Variants in MACF1 observed in about 807,000 individuals in gnomAD.
MACF1 encodes the protein microtubule actin crosslinking factor 1, also known as microtubule-actin cross-linking factor 1.
Under a neutral mutation model 854.8 loss-of-function variants are expected in MACF1, and 193 were observed. That is an observed-to-expected ratio of 0.23 (90% CI 0.20 to 0.25). The LOEUF is 0.25. MACF1 is among the 10% of genes least tolerant of loss of function. MACF1 has a pLI of 1.00. For missense variants in MACF1, 7,722 were observed against 8,929.1 expected (o/e 0.86, Z 5.45); for synonymous variants, 3,185 against 3,226.7 (o/e 0.99, Z 0.44).
chr1:39,405,016 AT>A, intron 58 of MACF1, among the ~76,000 whole-genome samples: 1 of 152,124 alleles, frequency 6.6e-6, no homozygotes, highest in East Asian at 1.9e-4. Flanking sequence ...AAAAAGAGGG[AT>A]TAATACACTG....
intron 6 of MACF1, among the ~76,000 whole-genome samples, chr1:39,271,662 G>A (rs1645324959): frequency 6.7e-6 from 1 of 150,366 alleles, no homozygotes; most frequent in South Asian, 2.1e-4. Context: ...GGAACTGATT[G>A]TTGTACAACT....
At position 39,362,475 on chromosome 1, in the gene MACF1, T is replaced by A. The variant is rs375969717; in HGVS notation, c.12771+798T>A. ...ACCTAGATTCACCAGTTGCTAATTGTTTTCCCTCTCTTATAAAAATATAAA... is the reference window on the plus strand; with the variant it reads ...ACCTAGATTCACCAGTTGCTAATTGATTTCCCTCTCTTATAAAAATATAAA... On this transcript the variant is annotated intron_variant, in intron 49 of 100. Transcript: ENST00000564288. Among the ~76,000 whole-genome samples, 4 of 152,200 alleles carry A rather than the reference T, an allele frequency of 2.6e-5. No individual in the cohort carries two copies. In the East Asian group the frequency reaches 7.7e-4, roughly 29 times the overall value.
Position 39,437,989 on chromosome 1 carries a change from C to T in MACF1, c.18201C>T (p.Asp6067=). 1 of 1,614,014 alleles carries T rather than the reference C, an allele frequency of 6.2e-7. No individual in the cohort carries two copies. The highest frequency in any genetic ancestry group is 8.5e-7 in the Non-Finnish European group (1 of 1,179,992). ...EELIGRSQGA[D]KDLAAKEIQD... ...TTATTGGACGATCTCAGGGAGCAGA[C>T]AAGGATCTGGCTGCAAAAGGTGCTT... is the stretch of plus-strand genomic sequence containing the variant. Residue 6067 remains aspartate, a synonymous_variant, in exon 71 of 101, where the codon GAC becomes GAT. Coordinates refer to ENST00000564288, the MANE Select transcript of MACF1 (RefSeq NM_001394062.1).
At position 39,285,607 on chromosome 1, in the gene MACF1, G is replaced by C; in HGVS notation, c.1357G>C (p.Ala453Pro). Residue 453 changes from alanine (A) to proline (P), a missense_variant, in exon 14 of 101, where the codon GCT becomes CCT. Around this residue, in one of 15 missense-constraint regions of MACF1, gnomAD observed 1,137 missense variants for 1,263.0 expected, o/e 0.90. Coordinates refer to ENST00000564288, the MANE Select transcript of MACF1 (RefSeq NM_001394062.1). ...TTATTCTCTCTTCCTGTCTCAGGAT[G>C]CTGCTCACCTGGAATCAGGACAACC... ...TLAKNTLQADAAHLESGQPVQ... is the reference protein window; with the variant it reads ...TLAKNTLQADPAHLESGQPVQ... 1 of 1,612,998 alleles carries C rather than the reference G, an allele frequency of 6.2e-7. No individual in the cohort carries two copies. Among genetic ancestry groups the C allele is most frequent in the Non-Finnish European group, 8.5e-7 (1 of 1,179,366 alleles).
At chr1:39,328,719 C>T (rs1646663115) in intron 36 of MACF1, 1 of 152,184 alleles carries the variant, frequency 6.6e-6, no homozygotes, top group South Asian at 2.1e-4. Flanking sequence ...AAGTAGAAGC[C>T]TTTTATGTTT....
upstream of MACF1, among the ~76,000 whole-genome samples, chr1:39,203,183 A>G (rs1043769761): frequency 6.6e-6 from 1 of 152,304 alleles, no homozygotes; most frequent in African/African-American, 2.4e-5. Context: ...ATCTTCATCT[A>G]TATCATAGTG....
At position 39,485,707 on chromosome 1, in the gene MACF1, G is replaced by A; in HGVS notation, c.22581G>A (p.Arg7527=). The change falls in exon 101 of 101, where the codon AGG becomes AGA. Residue 7527 remains arginine, a synonymous_variant. Coordinates refer to ENST00000564288, the MANE Select transcript of MACF1 (RefSeq NM_001394062.1). ...CTGCAGGGGGCCAAGGCAACTCCAG[G>A]AGAGGGCTAAACAAACCTTCCAAAA... ...SSAAGGQGNS[R]RGLNKPSKIP... is the part of the protein sequence containing the mutation. 6.2e-7 allele frequency: 1 copy of A among 1,614,048 alleles called. No individual in the cohort carries two copies. The highest frequency in any genetic ancestry group is 8.5e-7 in the Non-Finnish European group (1 of 1,179,978).
chr1:39,174,048 A>AC (rs1023100890), intron 2 of MACF1, among the ~76,000 whole-genome samples: 38 of 152,258 alleles, frequency 2.5e-4, no homozygotes, highest in African/African-American at 9.1e-4. Flanking sequence ...ATCGTGCTTT[A>AC]CCGCACATTT....
Position 39,101,959 on chromosome 1 carries a change from G to C in MACF1, c.220+17521G>C, listed in dbSNP as rs1033155105. ...TGGAAGGCCGATGCGGGCGGATCAC[G>C]AGGTCAGGAGATCGAGACCATCCTG... On this transcript the variant is annotated intron_variant, in intron 2 of 93. Coordinates refer to the MACF1 transcript ENST00000361689. Among the ~76,000 whole-genome samples the C allele has an allele frequency of 2.0e-5, 3 of 151,740 alleles. No homozygotes were observed. The South Asian group carries it at 6.2e-4, about 32-fold the overall frequency.
intron 2 of MACF1, among the ~76,000 whole-genome samples, chr1:39,144,574 C>T (rs1188689597): frequency 6.6e-6 from 1 of 152,028 alleles, no homozygotes; most frequent in East Asian, 1.9e-4. Flanking sequence ...CTTCTAACAA[C>T]GTGTGAGGTG....
chr1:39,384,713 A>C (rs1250568471), intron 56 of MACF1, among the ~76,000 whole-genome samples: 1 of 152,228 alleles, frequency 6.6e-6, no homozygotes, highest in African/African-American at 2.4e-5. Flanking sequence ...AACTAAGAAA[A>C]ACAGACACTG....
Position 39,448,076 on chromosome 1 carries a change from C to T in MACF1, c.20012C>T (p.Ala6671Val). ...WKKLIDWLED[A>V]ESHLDSELEI... ...AAACTGATTGACTGGCTAGAAGATG[C>T]AGAGAGTCACCTGGACTCAGAACTA... The change falls in exon 83 of 101, where the codon GCA becomes GTA. Residue 6671 changes from alanine (A) to valine (V), a missense_variant. Ala to Val is a moderately conservative substitution (Grantham distance 64). Coordinates refer to ENST00000564288, the MANE Select transcript of MACF1 (RefSeq NM_001394062.1). The T allele has an allele frequency of 1.9e-6, 3 of 1,613,930 alleles. No homozygotes were observed. Among genetic ancestry groups the T allele is most frequent in the Non-Finnish European group, 2.5e-6 (3 of 1,179,848 alleles).
At chr1:39,085,669 C>T (rs933603447) in intron 2 of MACF1, among the ~76,000 whole-genome samples, 2 of 152,066 alleles carry the variant, frequency 1.3e-5, no homozygotes, top group Admixed American at 6.6e-5. Context: ...ATTAAAAATA[C>T]AATAAAAAAT....
chr1:39,271,911 C>T (rs1353510598), intron 6 of MACF1, among the ~76,000 whole-genome samples: 1 of 152,122 alleles, frequency 6.6e-6, no homozygotes, highest in Non-Finnish European at 1.5e-5. Flanking sequence ...TAGGAGAAAC[C>T]TTTGGACCAT....
At chr1:39,086,112 G>A (rs945676751) in intron 2 of MACF1, among the ~76,000 whole-genome samples, 1 of 152,196 alleles carries the variant, frequency 6.6e-6, no homozygotes, top group East Asian at 1.9e-4. Context: ...TGTGTCTTAT[G>A]TTTTGAGCCC....
In MACF1 at chr1:39,336,289, T is replaced by G. The variant is rs1421965705; in HGVS notation, c.9701T>G (p.Leu3234Arg). ...AAATCTGAAATAGCAACACAGGAAC[T>G]AACTGGAGAGAAATTTCTAGAAATG... ...TLKSEIATQE[L>R]TGEKFLEMAN... The change falls in exon 37 of 101, where the codon CTA (leucine) becomes CGA (arginine). Residue 3234 changes from leucine (L) to arginine (R), a missense_variant. Leu to Arg is a moderately radical substitution (Grantham distance 102). Transcript: ENST00000564288. The G allele has an allele frequency of 6.2e-7, 1 of 1,614,156 alleles. No homozygotes were observed. Among genetic ancestry groups the G allele is most frequent in the African/African-American group, 1.3e-5 (1 of 75,022 alleles).
At chr1:39,414,963 G>A (rs1643229964) in intron 58 of MACF1, among the ~76,000 whole-genome samples, 1 of 152,096 alleles carries the variant, frequency 6.6e-6, no homozygotes, top group Non-Finnish European at 1.5e-5. Context: ...ATTTGTTAAG[G>A]CATAACTCTG....
At chr1:39,410,500 G>T in intron 58 of MACF1, 2 of 1,614,052 alleles carry the variant, frequency 1.2e-6, no homozygotes, top group Non-Finnish European at 1.7e-6. Flanking sequence ...ATTAGGAGCA[G>T]CATCTAATGT....
chr1:39,379,667 G>T (rs942590261), intron 54 of MACF1, among the ~76,000 whole-genome samples: 2 of 152,172 alleles, frequency 1.3e-5, no homozygotes, highest in Non-Finnish European at 2.9e-5. Flanking sequence ...AACAAAACCA[G>T]GTATGTTTGC....
Sources: allele counts gnomAD v4.1 joint callset (sites outside exome capture counted in the v4.1 genomes callset), GRCh38; gene constraint gnomAD v4.1.1; regional missense constraint gnomAD v4.1.1; transcripts MANE v1.5; gene names NCBI Gene and HGNC (gene_info 2026-07-23, HGNC 2026-07-21).